The following NR2C1 variants were observed in gnomAD, a reference collection of about 807,000 sequenced individuals.
NR2C1 encodes nuclear receptor subfamily 2 group C member 1, also known as TR2 nuclear hormone receptor.
Under a neutral mutation model 74.8 loss-of-function variants are expected in NR2C1, and 33 were observed. That is an observed-to-expected ratio of 0.44 (90% confidence interval 0.33 to 0.59). The LOEUF is 0.59. Among genes scored for constraint, NR2C1 ranks in the 20% least tolerant of loss-of-function variants. The probability of loss-of-function intolerance (pLI) is 0.02; values close to 1 mark genes in which losing one functional copy is unlikely to be tolerated. For synonymous variants in NR2C1, 225 were observed against 240.6 expected, an observed-to-expected ratio of 0.94 and a Z score of 0.60; for missense variants, 568 against 715.6, an observed-to-expected ratio of 0.79 and a Z score of 2.35.
chr12:95,067,487 C>T, intron 1 of NR2C1, 96 bp from the exon 2 acceptor site: 1 of 1,008,320 alleles, frequency 9.9e-7, no homozygotes, highest in Non-Finnish European at 1.5e-6. Context: ...AGATTTGCTT[C>T]AAAATAATCT....
At chr12:95,065,906 C>T (rs189783450) in intron 2 of NR2C1, among the ~76,000 whole-genome samples, 141 of 150,720 alleles carry the variant, frequency 9.4e-4, no homozygotes, top group Middle Eastern at 3.4e-3. Flanking sequence ...GCCAAGACAG[C>T]GCCACTACAC....
chr12:95,049,323 C>A, intron 8 of NR2C1, 90 bp from the exon 9 acceptor site: 1 of 1,364,714 alleles, frequency 7.3e-7, no homozygotes, highest in Non-Finnish European at 1.0e-6. Context: ...AGATTTAAGC[C>A]TAAAAAACTG....
At chr12:95,037,756 G>A (rs1565843117) in intron 10 of NR2C1, among the ~76,000 whole-genome samples, 1 of 152,040 alleles carries the variant, frequency 6.6e-6, no homozygotes, top group Non-Finnish European at 1.5e-5. Flanking sequence ...TTAGCCGGGT[G>A]TGGTTGCAGG....
intron 12 of NR2C1, among the ~76,000 whole-genome samples, chr12:95,025,858 T>G (rs43202): frequency 0.2 from 30,569 of 151,192 alleles, 3,159 homozygotes; most frequent in Non-Finnish European, 0.23. Flanking sequence ...GTAGTAAGAA[T>G]GCATTTGATA....
chr12:95,049,173 T>C lies in NR2C1; in HGVS notation c.1026A>G (p.Ser342=). 1.9e-6 allele frequency: 3 copies of C among 1,614,174 alleles called. No homozygotes were observed. Among genetic ancestry groups the C allele is most frequent in the Admixed American group, 1.7e-5 (1 of 60,020 alleles). ...NPGESTACQS[S]VAGMEGSVHL... is the part of the protein sequence containing the mutation. ...GTACACTTCCTTCCATGCCCGCTACTGAGCTCTGGCAGGCTGTGCTCTCTC... is the reference window on the plus strand; with the variant it reads ...GTACACTTCCTTCCATGCCCGCTACCGAGCTCTGGCAGGCTGTGCTCTCTC... The change falls in exon 9 of 14, where the codon TCA becomes TCG. Residue 342 remains serine, a synonymous_variant. Transcript: ENST00000333003.
Position 95,063,111 on chromosome 12 carries a change from A to C in NR2C1, c.55-373T>G, listed in dbSNP as rs532540843. The stretch of plus-strand genomic sequence containing the variant: ...TAGTGGGGAAAGACAGATAATAAAT[A>C]AGCAAATAATAATATTGTCATGCGG... On this transcript the variant is annotated intron_variant, in intron 2 of 13. Transcript: ENST00000333003. 1.3e-5 allele frequency among the ~76,000 whole-genome samples: 2 copies of C among 152,350 alleles called. 1 individual carries two copies. Among genetic ancestry groups the C allele is most frequent in the South Asian group, 4.1e-4 (2 of 4,826 alleles).
Position 95,059,966 on chromosome 12 carries a change from G to C in NR2C1, c.304C>G (p.Pro102Ala). ...QHLQLLTDNS[P>A]DQGPNKVFDL... Reference sequence around the variant, plus strand: ...AAAACCTTATTTGGTCCTTGGTCTGGAGAATTATCTGTTAGGAGCTAAAAA... The same window carrying C: ...AAAACCTTATTTGGTCCTTGGTCTGCAGAATTATCTGTTAGGAGCTAAAAA... The change falls in exon 4 of 14, where the codon CCA (proline) becomes GCA (alanine). Residue 102 changes from proline to alanine, a missense_variant. Coordinates refer to ENST00000333003, the MANE Select transcript of NR2C1 (RefSeq NM_003297.4). 1 of 1,469,060 alleles carries C rather than the reference G, an allele frequency of 6.8e-7. No individual in the cohort carries two copies. Among genetic ancestry groups the C allele is most frequent in the Non-Finnish European group, 9.3e-7 (1 of 1,075,858 alleles). 91.0% of individuals were successfully genotyped at this position (1,469,060 alleles called of 1,614,324 possible). A position where few individuals can be genotyped will look rare whatever the true frequency, so the allele number is the denominator to read the frequency against.
rs755363170 is a variant in NR2C1, at chr12:95,051,838, T to C, written c.889A>G (p.Met297Val). Residue 297 changes from methionine to valine, a missense_variant, in exon 8 of 14, where the codon ATG becomes GTG. Coordinates refer to ENST00000333003, the MANE Select transcript of NR2C1 (RefSeq NM_003297.4). ...DLSQNSNEMS[M>V]IESLSNDDTS... The stretch of plus-strand genomic sequence containing the variant: ...TCATCATTGCTTAAGCTTTCAATCA[T>C]AGACATTTCATTACTATTTTGAGAA... The C allele has an allele frequency of 1.1e-5, 17 of 1,611,660 alleles. No individual in the cohort carries two copies. Among genetic ancestry groups the C allele is most frequent in the Non-Finnish European group, 1.4e-5 (16 of 1,179,390 alleles).
intron 7 of NR2C1, among the ~76,000 whole-genome samples, chr12:95,057,135 G>A (rs1405783774): frequency 1.7e-5 from 2 of 116,284 alleles, no homozygotes; most frequent in African/African-American, 3.4e-5. Context: ...ACAGAGTTTC[G>A]CTCTTGTTGC....
intron 11 of NR2C1, chr12:95,030,622 C>T (rs1266968573): frequency 6.2e-7 from 1 of 1,612,896 alleles, no homozygotes; most frequent in Admixed American, 1.7e-5. Flanking sequence ...AAGGTGATTA[C>T]CCCTCTGCTG....
chr12:95,057,847 T>C lies in NR2C1; in HGVS notation c.576A>G (p.Val192=). 1.2e-6 allele frequency: 2 copies of C among 1,614,062 alleles called. No homozygotes were observed. Among genetic ancestry groups the C allele is most frequent in the Non-Finnish European group, 1.7e-6 (2 of 1,179,918 alleles). Residue 192 remains valine, a synonymous_variant, in exon 6 of 14, where the codon GTA becomes GTG. Transcript: ENST00000333003. The stretch of plus-strand genomic sequence containing the variant: ...CACAGTTGGAAGATTTTTCTCGTGA[T>C]ACTTCAATGGGTTTTCTTTCACATT... ...SVQCERKPIE[V]SREKSSNCAA...
At chr12:95,050,215 T>C (rs1872793502) in intron 8 of NR2C1, among the ~76,000 whole-genome samples, 1 of 152,200 alleles carries the variant, frequency 6.6e-6, no homozygotes, top group Admixed American at 6.5e-5. Flanking sequence ...TTCCCCATAT[T>C]TTTCAATAAG....
rs1868799483 is a variant in NR2C1, at chr12:95,021,742, C to T, written c.*487G>A. The T allele has an allele frequency of 6.6e-6, 1 of 152,280 alleles. No individual in the cohort carries two copies. 9.4% of individuals were successfully genotyped at this position (152,280 alleles called of 1,614,324 possible). Reference sequence around the variant, plus strand: ...CTATAGTTCTAATACTGTCATTATACCAGTAAGCATAAAATAATCTTATTT... The same window carrying T: ...CTATAGTTCTAATACTGTCATTATATCAGTAAGCATAAAATAATCTTATTT... On this transcript the variant is annotated 3_prime_UTR_variant, in exon 14 of 14. Transcript: ENST00000333003.
rs35375374 is a variant in NR2C1, at chr12:95,064,328, C to CA, written c.55-1591dup. On this transcript the variant is annotated intron_variant, in intron 2 of 13. Transcript: ENST00000333003. ...TGGGTGACACAGTGAGAGTCTGTCT[C>CA]AAAAAAAAAAAAAAAAAAAAGTTCA... Among the ~76,000 whole-genome samples the CA allele has an allele frequency of 4.4e-3, 473 of 107,864 alleles. 3 individuals are homozygous for CA. Among genetic ancestry groups the CA allele is most frequent in the African/African-American group, 5.7e-3 (160 of 28,222 alleles). 70.8% of individuals were successfully genotyped at this position (107,864 alleles called of 152,430 possible). A position where few individuals can be genotyped will look rare whatever the true frequency, so the allele number is the denominator to read the frequency against.
In NR2C1 at chr12:95,052,519, C is replaced by T. The variant is rs151003846; in HGVS notation, c.784-576G>A. 5.5e-4 allele frequency among the ~76,000 whole-genome samples: 83 copies of T among 152,224 alleles called. No individual in the cohort carries two copies. In the East Asian group the frequency reaches 0.012, roughly 22 times the overall value. On this transcript the variant is annotated intron_variant, in intron 7 of 13. Transcript: ENST00000333003. ...TCACCCAGACTGGAGTACAGTGGCA[C>T]GACCACAGATCACTGCATCCTTAAA...
At chr12:95,039,820 T>G (rs1871289127) in intron 10 of NR2C1, among the ~76,000 whole-genome samples, 1 of 152,144 alleles carries the variant, frequency 6.6e-6, no homozygotes. Flanking sequence ...TTTTTCTTTT[T>G]GTAGAGACAG....
In NR2C1 at chr12:95,022,148, G is replaced by C. The variant is rs1050943051; in HGVS notation, c.*81C>G. On this transcript the variant is annotated 3_prime_UTR_variant, in exon 14 of 14. Transcript: ENST00000333003. ...CTTTTTAAAGTAAAAATTTCCAGAT[G>C]CCTCAAAAGCAGTGAGTTCAATTTG... 5 of 1,106,064 alleles carry C rather than the reference G, an allele frequency of 4.5e-6. No individual in the cohort carries two copies. The highest frequency in any genetic ancestry group is 2.1e-4 in the Middle Eastern group (1 of 4,700). 68.5% of individuals were successfully genotyped at this position (1,106,064 alleles called of 1,614,324 possible). A position where few individuals can be genotyped will look rare whatever the true frequency, so the allele number is the denominator to read the frequency against.
intron 7 of NR2C1, among the ~76,000 whole-genome samples, chr12:95,054,956 TCTTAA>T: frequency 6.6e-6 from 1 of 152,260 alleles, no homozygotes; most frequent in South Asian, 2.1e-4. Flanking sequence ...TGGTGATGAT[TCTTAA>T]CGAGCATGCT....
In NR2C1 at chr12:95,040,591, T is replaced by G; in HGVS notation, c.1138A>C (p.Met380Leu). 6.2e-7 allele frequency: 1 copy of G among 1,610,790 alleles called. No individual in the cohort carries two copies. The highest frequency in any genetic ancestry group is 8.5e-7 in the Non-Finnish European group (1 of 1,178,124). ...AGGTACTCAGGCATAGGAGAAGGCA[T>G]GGTGAGCTAGTATGAACAGGGATTT... ...SDSHVAFRLT[M>L]PSPMPEYLNV... Residue 380 changes from methionine (M) to leucine (L), a missense_variant, in exon 10 of 14, where the codon ATG becomes CTG. Physicochemically the swap from Met to Leu is conservative, Grantham distance 15. Transcript: ENST00000333003.
Sources: gnomAD v4.1 joint callset for allele counts (sites outside exome capture counted in the v4.1 genomes callset) on GRCh38, gnomAD v4.1.1 for gene constraint, MANE v1.5 for transcripts, NCBI Gene and HGNC (gene_info 2026-07-23, HGNC 2026-07-21) for gene names.